ARID5B: variants seen among roughly 807,000 people sequenced by gnomAD.
The protein encoded by ARID5B is AT-rich interaction domain 5B, also known as AT-rich interactive domain-containing protein 5B.
Under a neutral mutation model 97.2 loss-of-function variants are expected in ARID5B, and 13 were observed. The observed-to-expected ratio is 0.13, with a 90% CI of 0.09 to 0.21. The LOEUF is 0.21. Among genes scored for constraint, ARID5B ranks in the 10% least tolerant of loss-of-function variants. The probability of loss-of-function intolerance (pLI) is 1.00; values close to 1 mark genes in which losing one functional copy is unlikely to be tolerated. For synonymous variants in ARID5B, 556 were observed against 570.3 expected, an observed-to-expected ratio of 0.97 and a Z score of 0.36; for missense variants, 1,210 against 1,465.3, an observed-to-expected ratio of 0.83 and a Z score of 2.84.
chr10:61,908,929 T>C (rs1843752102), intron 2 of ARID5B, among the ~76,000 whole-genome samples: 1 of 152,138 alleles, frequency 6.6e-6, no homozygotes, highest in African/African-American at 2.4e-5. Flanking sequence ...TGTTCCTTAG[T>C]TTAAGTTGAG....
At chr10:62,002,191 G>C (rs1048154169) in intron 4 of ARID5B, among the ~76,000 whole-genome samples, 1 of 152,172 alleles carries the variant, frequency 6.6e-6, no homozygotes, top group African/African-American at 2.4e-5. Context: ...GAGTTTCAAA[G>C]CTGTTGGATC....
intron 3 of ARID5B, among the ~76,000 whole-genome samples, chr10:61,942,005 T>G (rs567706522): frequency 6.6e-6 from 1 of 152,344 alleles, no homozygotes; most frequent in East Asian, 1.9e-4. Context: ...ACCTTTCTTT[T>G]GTTTGTTTAA....
chr10:61,997,823 G>T (rs551562960), intron 3 of ARID5B, among the ~76,000 whole-genome samples: 4 of 152,236 alleles, frequency 2.6e-5, no homozygotes, highest in South Asian at 2.1e-4. Context: ...CTGGAGAAAC[G>T]ACCGCATTTG....
chr10:61,916,576 A>G (rs1439654818), intron 2 of ARID5B, among the ~76,000 whole-genome samples: 2 of 152,134 alleles, frequency 1.3e-5, no homozygotes, highest in Non-Finnish European at 2.9e-5. Flanking sequence ...ATTTTGCGGG[A>G]GGGTAATTTG....
chr10:62,075,367 A>G (rs780480660), intron 8 of ARID5B, among the ~76,000 whole-genome samples: 17 of 152,374 alleles, frequency 1.1e-4, no homozygotes, highest in Middle Eastern at 3.4e-3. Flanking sequence ...AATATAGCCT[A>G]CAGGATGCCA....
At chr10:61,967,981 A>G (rs535682869) in intron 3 of ARID5B, among the ~76,000 whole-genome samples, 1 of 151,732 alleles carries the variant, frequency 6.6e-6, no homozygotes, top group African/African-American at 2.4e-5. Context: ...GTAAGGGCCT[A>G]TTATGCCCAG....
rs550650080 is a variant in ARID5B at position 61,989,407 on chromosome 10, A to C, written c.503-10684A>C. The stretch of plus-strand genomic sequence containing the variant: ...GCTGCTCTAAAAGATTTTTGAAAAA[A>C]ATAATCCATGTATTCCTTTGCCCAG... On this transcript the variant is annotated intron_variant, in intron 3 of 9. Transcript: ENST00000279873. 6.6e-5 allele frequency among the ~76,000 whole-genome samples: 10 copies of C among 152,330 alleles called. No homozygotes were observed. The South Asian group carries it at 2.1e-3, about 32-fold the overall frequency.
intron 4 of ARID5B, among the ~76,000 whole-genome samples, chr10:62,032,575 C>T (rs1415466693): frequency 6.6e-6 from 1 of 151,800 alleles, no homozygotes; most frequent in African/African-American, 2.4e-5. Flanking sequence ...ATTAGCCGGG[C>T]GTGGTGATGG....
chr10:62,092,459 G>A lies in ARID5B; in HGVS notation c.2996G>A (p.Arg999Gln), dbSNP rs916811022. 4.3e-6 allele frequency: 7 copies of A among 1,614,046 alleles called. No homozygotes were observed. The highest frequency in any genetic ancestry group is 4.0e-5 in the African/African-American group (3 of 74,918). ...GGCATGGTCCACCCAATCCTGCACC[G>A]GAAAATGAGCCCGCAGAACATTGGG... ...MEGMVHPILHRKMSPQNIGAA... is the reference protein window; with the variant it reads ...MEGMVHPILHQKMSPQNIGAA... The change falls in exon 10 of 10, where the codon CGG (arginine) becomes CAG (glutamine). Residue 999 changes from arginine (R) to glutamine (Q), a missense_variant. Around this residue, in one of 8 missense-constraint regions of ARID5B, gnomAD observed 800 missense variants for 839.1 expected, o/e 0.95. Transcript: ENST00000279873.
At chr10:61,961,992 G>A (rs543260111) in intron 3 of ARID5B, among the ~76,000 whole-genome samples, 45 of 152,222 alleles carry the variant, frequency 3.0e-4, no homozygotes, top group African/African-American at 9.4e-4. Flanking sequence ...CAGGTGATCC[G>A]CCAGCCTAGG....
chr10:62,051,629 C>G (rs1839791996), intron 5 of ARID5B, among the ~76,000 whole-genome samples: 1 of 152,156 alleles, frequency 6.6e-6, no homozygotes, highest in African/African-American at 2.4e-5. Context: ...TTTACCTAAG[C>G]ATTCTTTGGA....
rs374619291 is a variant in ARID5B, at chr10:62,085,908, G to T, written c.1398+8G>T. The T allele has an allele frequency of 3.1e-6, 5 of 1,605,732 alleles. No homozygotes were observed. In the African/African-American group the frequency reaches 6.8e-5, roughly 22 times the overall value. On this transcript the variant is annotated splice_region_variant and intron_variant, in intron 9 of 9. Transcript: ENST00000279873. ...CCCCAGGATGCAGCAGAGGTGAGTTGCTTTGCTCCATAGAAATACCTCTGG... is the reference window on the plus strand; with the variant it reads ...CCCCAGGATGCAGCAGAGGTGAGTTTCTTTGCTCCATAGAAATACCTCTGG...
chr10:62,012,004 GA>G (rs57553903), intron 4 of ARID5B, among the ~76,000 whole-genome samples: 13,468 of 147,718 alleles, frequency 0.091, 936 homozygotes, highest in African/African-American at 0.18. Flanking sequence ...TCAAGGAGGG[GA>G]AAAAAAAAAG....
At chr10:62,013,995 A>G (rs541542582) in intron 4 of ARID5B, among the ~76,000 whole-genome samples, 3 of 152,194 alleles carry the variant, frequency 2.0e-5, no homozygotes, top group East Asian at 1.9e-4. Flanking sequence ...TTTAAAATCT[A>G]TTCATCCTTT....
intron 3 of ARID5B, among the ~76,000 whole-genome samples, chr10:61,944,217 G>A (rs1417470555): frequency 6.6e-6 from 1 of 152,038 alleles, no homozygotes; most frequent in Non-Finnish European, 1.5e-5. Flanking sequence ...GTTAAAATAG[G>A]AGGGTTAAGG....
At chr10:61,929,749 C>T (rs554918205) in intron 2 of ARID5B, among the ~76,000 whole-genome samples, 169 of 152,328 alleles carry the variant, frequency 1.1e-3, no homozygotes, top group African/African-American at 4.0e-3. Context: ...CACTAATACT[C>T]ATATCCTGTA....
At position 62,050,625 on chromosome 10, in the gene ARID5B, G is replaced by C. The variant is rs1839774435; in HGVS notation, c.734-263G>C. Among the ~76,000 whole-genome samples, 6 of 152,272 alleles carry C rather than the reference G, an allele frequency of 3.9e-5. No homozygotes were observed. In the South Asian group the frequency reaches 1.0e-3, roughly 26 times the overall value. The stretch of plus-strand genomic sequence containing the variant: ...ACATTTTTCTTATCATGATCCTTTA[G>C]AGCTAAGAGCTTCGTGTTACTTCTA... On this transcript the variant is annotated intron_variant, in intron 4 of 9. Transcript: ENST00000279873.
At chr10:62,074,702 A>G (rs563172605) in intron 8 of ARID5B, among the ~76,000 whole-genome samples, 7 of 152,300 alleles carry the variant, frequency 4.6e-5, no homozygotes, top group African/African-American at 7.2e-5. Flanking sequence ...GAGTTAATAG[A>G]TACGCAATTC....
At chr10:61,986,405 T>A (rs1838847862) in intron 3 of ARID5B, among the ~76,000 whole-genome samples, 1 of 152,192 alleles carries the variant, frequency 6.6e-6, no homozygotes, top group African/African-American at 2.4e-5. Context: ...TATACAGTGT[T>A]AAGCTGGCTG....
Sources: allele counts gnomAD v4.1 joint callset (sites outside exome capture counted in the v4.1 genomes callset), GRCh38; gene constraint gnomAD v4.1.1; regional missense constraint gnomAD v4.1.1; transcripts MANE v1.5; gene names NCBI Gene and HGNC (gene_info 2026-07-23, HGNC 2026-07-21).